SMAD2: variants seen among roughly 807,000 people sequenced by gnomAD.
SMAD2 encodes MAD homolog 2.
A neutral mutation model predicts 64.4 loss-of-function variants in SMAD2; 8 were observed. The observed-to-expected ratio is 0.12, with a 90% confidence interval of 0.07 to 0.22. The LOEUF (loss-of-function observed/expected upper bound fraction) is 0.22. SMAD2 is among the 10% of genes least tolerant of loss of function. The pLI, the probability that SMAD2 is intolerant of heterozygous loss-of-function variation, is 1.00. For synonymous variants in SMAD2, 203 were observed against 195.8 expected (o/e 1.04, Z -0.31); for missense variants, 289 against 561.2 (o/e 0.51, Z 4.90).
At chr18:47,865,357 C>A (rs753980679) in intron 5 of SMAD2, among the ~76,000 whole-genome samples, 44 of 152,150 alleles carry the variant, frequency 2.9e-4, no homozygotes, top group Non-Finnish European at 5.1e-4. Flanking sequence ...ACTCTCTGGA[C>A]ATACACATTA....
intron 3 of SMAD2, among the ~76,000 whole-genome samples, chr18:47,870,205 AAAAT>A (rs576201595): frequency 1.5e-3 from 231 of 152,290 alleles, no homozygotes; most frequent in Non-Finnish European, 3.0e-3. Flanking sequence ...ATCTCAAGCT[AAAAT>A]AAATATATAG....
In SMAD2 at chr18:47,838,442, T is replaced by A. The variant is rs1168280780; in HGVS notation, c.*3385A>T. The A allele has an allele frequency of 8.6e-6, 2 of 233,174 alleles. No individual in the cohort carries two copies. The highest frequency in any genetic ancestry group is 1.7e-5 in the Non-Finnish European group (2 of 118,032). The allele number at this position is 233,174 out of a possible 1,614,324, so 14.4% of individuals were successfully genotyped here. A position where few individuals can be genotyped will look rare whatever the true frequency, so the allele number is the denominator to read the frequency against. ...GTCAGGGCCCCGTCCTAGTCATCTT[T>A]TTATTATTCAATATCCATCACAGTG... On this transcript the variant is annotated 3_prime_UTR_variant, in exon 11 of 11. Transcript: ENST00000262160.
intron 1 of SMAD2, among the ~76,000 whole-genome samples, chr18:47,916,573 T>C (rs2034345199): frequency 6.6e-6 from 1 of 151,652 alleles, no homozygotes. Flanking sequence ...CTTGGCTAAT[T>C]TTTGTATTTT....
At chr18:47,919,089 G>GA (rs1198808949) in intron 1 of SMAD2, among the ~76,000 whole-genome samples, 1 of 151,244 alleles carries the variant, frequency 6.6e-6, no homozygotes, top group Non-Finnish European at 1.5e-5. Flanking sequence ...TTCCAAGGAG[G>GA]AAAAAAAATA....
chr18:47,873,469 CA>C, intron 2 of SMAD2, among the ~76,000 whole-genome samples: 1 of 152,064 alleles, frequency 6.6e-6, no homozygotes, highest in South Asian at 2.1e-4. Context: ...TGTAATAAGC[CA>C]AAACAAATAA....
intron 1 of SMAD2, among the ~76,000 whole-genome samples, chr18:47,918,737 G>GCTTGACAGCT (rs2034434061): frequency 6.6e-6 from 1 of 151,426 alleles, no homozygotes; most frequent in African/African-American, 2.4e-5. Flanking sequence ...CTCTTGCATA[G>GCTTGACAGCT]CTTGACAGCA....
At chr18:47,852,408 A>G (rs2030202619) in intron 6 of SMAD2, among the ~76,000 whole-genome samples, 1 of 152,146 alleles carries the variant, frequency 6.6e-6, no homozygotes, top group African/African-American at 2.4e-5. Context: ...CCCATTAAGC[A>G]TGGCATTGGC....
rs1181038239 is a variant in SMAD2, at chr18:47,811,460, A to G, written c.*30367T>C. 8.1e-6 allele frequency: 1 copy of G among 124,204 alleles called. No homozygotes were observed. Among genetic ancestry groups the G allele is most frequent in the Non-Finnish European group, 1.6e-5 (1 of 61,350 alleles). The allele number at this position is 124,204 out of a possible 1,614,324, so 7.7% of individuals were successfully genotyped here. A position where few individuals can be genotyped will look rare whatever the true frequency, so the allele number is the denominator to read the frequency against. On this transcript the variant is annotated 3_prime_UTR_variant, in exon 11 of 11. Transcript: ENST00000262160. ...ACTCCAGCCTGGGCGACAGAGCGAG[A>G]CCTCGTCTCAAAAAAAAAAAAAAAA...
At chr18:47,922,512 A>C (rs944147109) in intron 1 of SMAD2, 1 of 152,244 alleles carries the variant, frequency 6.6e-6, no homozygotes, top group African/African-American at 2.4e-5. Flanking sequence ...GATTTAAAGA[A>C]TAACAATAAA....
At position 47,828,062 on chromosome 18, in the gene SMAD2, G is replaced by C. The variant is rs1598725615; in HGVS notation, c.*13765C>G. ...CGCCTCTGCCCCGCCGCCCCGTCTG[G>C]GATGTGAGGAGTGTCTCTGCCCGAC... On this transcript the variant is annotated 3_prime_UTR_variant, in exon 11 of 11. Coordinates refer to ENST00000262160, the MANE Select transcript of SMAD2 (RefSeq NM_005901.6). 1 of 170,184 alleles carries C rather than the reference G, an allele frequency of 5.9e-6. No homozygotes were observed. Among genetic ancestry groups the C allele is most frequent in the Admixed American group, 6.4e-5 (1 of 15,600 alleles). 10.5% of individuals were successfully genotyped at this position (170,184 alleles called of 1,614,324 possible).
At position 47,849,432 on chromosome 18, in the gene SMAD2, T is replaced by C. The variant is rs1431297557; in HGVS notation, c.785-745A>G. Among the ~76,000 whole-genome samples, 7 of 151,644 alleles carry C rather than the reference T, an allele frequency of 4.6e-5. No homozygotes were observed. In the South Asian group the frequency reaches 1.2e-3, roughly 27 times the overall value. Reference sequence around the variant, plus strand: ...CAAACATGTAACAACCGAAGAGAAATTGTGAAATAGGGTAAAATGAGGGCA... The same window carrying C: ...CAAACATGTAACAACCGAAGAGAAACTGTGAAATAGGGTAAAATGAGGGCA... On this transcript the variant is annotated intron_variant, in intron 7 of 10. Coordinates refer to ENST00000262160, the MANE Select transcript of SMAD2 (RefSeq NM_005901.6).
intron 1 of SMAD2, among the ~76,000 whole-genome samples, chr18:47,904,877 C>T (rs1353950051): frequency 6.6e-6 from 1 of 152,184 alleles, no homozygotes; most frequent in East Asian, 1.9e-4. Flanking sequence ...GTTCTTCAAT[C>T]TGAAAAGGAC....
At chr18:47,919,223 A>T (rs1335486496) in intron 1 of SMAD2, among the ~76,000 whole-genome samples, 1 of 152,124 alleles carries the variant, frequency 6.6e-6, no homozygotes, top group Non-Finnish European at 1.5e-5. Flanking sequence ...TTTCCAACCT[A>T]GACTTATGTT....
chr18:47,834,562 A>T lies in SMAD2; in HGVS notation c.*7265T>A, dbSNP rs1342324450. 1 of 205,758 alleles carries T rather than the reference A, an allele frequency of 4.9e-6. No homozygotes were observed. Among genetic ancestry groups the T allele is most frequent in the African/African-American group, 2.3e-5 (1 of 43,862 alleles). 12.7% of individuals were successfully genotyped at this position (205,758 alleles called of 1,614,324 possible). Reference sequence around the variant, plus strand: ...TTTCAAGGGCATAACCTTTAAGGGCATCAGTCCCCAAAATATTTTTACATC... The same window carrying T: ...TTTCAAGGGCATAACCTTTAAGGGCTTCAGTCCCCAAAATATTTTTACATC... On this transcript the variant is annotated 3_prime_UTR_variant, in exon 11 of 11. Coordinates refer to ENST00000262160, the MANE Select transcript of SMAD2 (RefSeq NM_005901.6).
rs1912619360 is a variant in SMAD2, at chr18:47,822,823, T to C, written c.*19004A>G. 6.6e-6 allele frequency: 1 copy of C among 152,194 alleles called. No homozygotes were observed. Among genetic ancestry groups the C allele is most frequent in the African/African-American group, 2.4e-5 (1 of 41,456 alleles). 9.4% of individuals were successfully genotyped at this position (152,194 alleles called of 1,614,324 possible). On this transcript the variant is annotated 3_prime_UTR_variant, in exon 11 of 11. Coordinates refer to ENST00000262160, the MANE Select transcript of SMAD2 (RefSeq NM_005901.6). ...TCCCAAGTAGCTGGGACTACAGGCATGCACCACCACACCCAGCTAATTTTT... is the reference window on the plus strand; with the variant it reads ...TCCCAAGTAGCTGGGACTACAGGCACGCACCACCACACCCAGCTAATTTTT...
intron 8 of SMAD2, among the ~76,000 whole-genome samples, chr18:47,846,862 A>G (rs1452818174): frequency 6.6e-6 from 1 of 152,180 alleles, no homozygotes; most frequent in Admixed American, 6.5e-5. Flanking sequence ...GTTTGTGGTA[A>G]TTTGTTACAC....
Position 47,819,418 on chromosome 18 carries a change from TCA to T in SMAD2, c.*22407_*22408del, listed in dbSNP as rs1669263604. ...TGGTTCTTAATTGAACACATGATAC[TCA>T]CAGGTAATAAAAATGGTTAACAGGA... On this transcript the variant is annotated 3_prime_UTR_variant, in exon 11 of 11. Transcript: ENST00000262160. The T allele has an allele frequency of 6.6e-6, 1 of 152,194 alleles. No homozygotes were observed. Among genetic ancestry groups the T allele is most frequent in the Non-Finnish European group, 1.5e-5 (1 of 68,026 alleles). 9.4% of individuals were successfully genotyped at this position (152,194 alleles called of 1,614,324 possible). A position where few individuals can be genotyped will look rare whatever the true frequency, so the allele number is the denominator to read the frequency against.
At chr18:47,859,375 C>A (rs1442249866) in intron 6 of SMAD2, among the ~76,000 whole-genome samples, 1 of 152,138 alleles carries the variant, frequency 6.6e-6, no homozygotes, top group Non-Finnish European at 1.5e-5. Context: ...TATATACATT[C>A]TTTCCAACTA....
intron 1 of SMAD2, among the ~76,000 whole-genome samples, chr18:47,925,713 C>T (rs72914334): frequency 0.032 from 4,888 of 152,162 alleles, 128 homozygotes; most frequent in Non-Finnish European, 0.051. Context: ...TACTTTTGTA[C>T]TACTGCTAAA....
Sources: allele counts gnomAD v4.1 joint callset (sites outside exome capture counted in the v4.1 genomes callset), GRCh38; gene constraint gnomAD v4.1.1; transcripts MANE v1.5; gene names NCBI Gene and HGNC (gene_info 2026-07-23, HGNC 2026-07-21).